Variants in CNIH4 observed in about 807,000 individuals in gnomAD.
CNIH4 encodes the protein cornichon family member 4, also known as protein cornichon homolog 4.
Under a neutral mutation model 21.5 loss-of-function variants are expected in CNIH4, and 9 were observed. That is an observed-to-expected ratio of 0.42 (90% CI 0.25 to 0.73). The LOEUF (loss-of-function observed/expected upper bound fraction) is 0.73. CNIH4 is among the 30% of genes least tolerant of loss of function. The probability of loss-of-function intolerance (pLI) is 0.27; values close to 1 mark genes in which losing one functional copy is unlikely to be tolerated. For missense variants in CNIH4, 159 were observed against 170.0 expected (o/e 0.94, Z 0.36); for synonymous variants, 67 against 59.1 (o/e 1.13, Z -0.61).
chr1:224,357,192 G>A, intron 1 of CNIH4, 199 bp downstream of exon 1: 1 of 593,130 alleles, frequency 1.7e-6, no homozygotes, highest in Non-Finnish European at 2.9e-6. Context: ...GACGGGCCCT[G>A]CTGCCCTGCA....
intron 1 of CNIH4, among the ~76,000 whole-genome samples, chr1:224,359,997 G>A (rs1672229658): frequency 6.6e-6 from 1 of 152,172 alleles, no homozygotes; most frequent in African/African-American, 2.4e-5. Flanking sequence ...GCTGGGTGTG[G>A]TGGTGGCGCG....
rs551634247 is a variant in CNIH4, at chr1:224,369,577, A to AAAT, written c.252-1691_252-1689dup. Among the ~76,000 whole-genome samples the AAAT allele has an allele frequency of 1.4e-4, 21 of 152,162 alleles. No individual in the cohort carries two copies. The East Asian group carries it at 2.7e-3, about 20-fold the overall frequency. On this transcript the variant is annotated intron_variant, in intron 3 of 4. Transcript: ENST00000465271. The stretch of plus-strand genomic sequence containing the variant: ...GGCAACAGAGCGAGATTACGTCTAA[A>AAAT]AATAATAATAATAATAAACTAAAAA...
In CNIH4 at chr1:224,376,222, CT is replaced by C. The variant is rs1672776853; in HGVS notation, c.*401del. 1.0e-6 allele frequency: 1 copy of C among 994,860 alleles called. No individual in the cohort carries two copies. Among genetic ancestry groups the C allele is most frequent in the Non-Finnish European group, 1.2e-6 (1 of 836,610 alleles). 61.6% of individuals were successfully genotyped at this position (994,860 alleles called of 1,614,324 possible). On this transcript the variant is annotated 3_prime_UTR_variant, in exon 5 of 5. Transcript: ENST00000465271. ...TGAAAAGTTAGAGTACAAAACAACA[CT>C]GTTGATCTGGACAAAAGAAGAAAAA...
chr1:224,368,833 A>G (rs987596598), intron 3 of CNIH4, among the ~76,000 whole-genome samples: 7 of 151,404 alleles, frequency 4.6e-5, no homozygotes, highest in African/African-American at 1.7e-4. Flanking sequence ...CAGCTGCACT[A>G]TTTGACATTC....
chr1:224,371,937 T>G (rs980497359), intron 4 of CNIH4, among the ~76,000 whole-genome samples: 1 of 152,152 alleles, frequency 6.6e-6, no homozygotes, highest in Non-Finnish European at 1.5e-5. Context: ...AGTGAAACTC[T>G]GTTTCATATT....
rs1672774031 is a variant in CNIH4 at position 224,376,093 on chromosome 1, A to G, written c.*271A>G. The G allele has an allele frequency of 8.5e-7, 1 of 1,172,838 alleles. No individual in the cohort carries two copies. The highest frequency in any genetic ancestry group is 1.1e-6 in the Non-Finnish European group (1 of 947,762). 72.7% of individuals were successfully genotyped at this position (1,172,838 alleles called of 1,614,324 possible). A position where few individuals can be genotyped will look rare whatever the true frequency, so the allele number is the denominator to read the frequency against. On this transcript the variant is annotated 3_prime_UTR_variant, in exon 5 of 5. Coordinates refer to ENST00000465271, the MANE Select transcript of CNIH4 (RefSeq NM_014184.4). ...ATGTTGAAGGTGGTTATTTGTATGT[A>G]GGAACAGGACTGCCATCCCAGCTTT... is the stretch of plus-strand genomic sequence containing the variant.
At chr1:224,366,069 T>TCTTA (rs775646758) in intron 3 of CNIH4, 78 bp downstream of exon 3, 10 of 893,332 alleles carry the variant, frequency 1.1e-5, no homozygotes, top group East Asian at 9.7e-5. Context: ...CAAGACAGGA[T>TCTTA]CTTACTCTGT....
intron 1 of CNIH4, among the ~76,000 whole-genome samples, chr1:224,358,067 C>A (rs1672169413): frequency 6.6e-6 from 1 of 152,084 alleles, no homozygotes; most frequent in African/African-American, 2.4e-5. Flanking sequence ...AGTATATGTT[C>A]AGTGCAGCTT....
chr1:224,370,092 G>A (rs1672580671), intron 3 of CNIH4, among the ~76,000 whole-genome samples: 1 of 151,610 alleles, frequency 6.6e-6, no homozygotes, highest in Admixed American at 6.6e-5. Context: ...AATACAAAAA[G>A]GAAAAAAAAG....
chr1:224,375,786 T>C lies in CNIH4; in HGVS notation c.393-9T>C. On this transcript the variant is annotated splice_polypyrimidine_tract_variant and intron_variant, in intron 4 of 4. Coordinates refer to ENST00000465271, the MANE Select transcript of CNIH4 (RefSeq NM_014184.4). ...AAACATTAGTGACATTCATTTCTTC[T>C]TTCCACAGTATGATCTTAGCTTTGA... The C allele has an allele frequency of 1.2e-6, 2 of 1,614,126 alleles. No individual in the cohort carries two copies. Among genetic ancestry groups the C allele is most frequent in the Non-Finnish European group, 1.7e-6 (2 of 1,179,988 alleles).
In CNIH4 at chr1:224,358,955, A is replaced by G. The variant is rs114765366; in HGVS notation, c.70-1540A>G. ...GGTCACGGTAGACTTAATATAGGAT[A>G]TAAGAGTTTTCTTGGACTTTGAACT... On this transcript the variant is annotated intron_variant, in intron 1 of 4. Transcript: ENST00000465271. Among the ~76,000 whole-genome samples the G allele has an allele frequency of 4.9e-3, 742 of 152,354 alleles. 14 individuals carry two copies. The highest frequency in any genetic ancestry group is 0.017 in the African/African-American group (703 of 41,576).
At chr1:224,367,284 A>C (rs1439288810) in intron 3 of CNIH4, among the ~76,000 whole-genome samples, 1 of 152,170 alleles carries the variant, frequency 6.6e-6, no homozygotes, top group Non-Finnish European at 1.5e-5. Flanking sequence ...AATAAAAAGA[A>C]CAGAAAAAAA....
rs915746521 is a variant in CNIH4, at chr1:224,376,306, G to A, written c.*484G>A. ...TTTAATATGGTTTAAAGATTTATGA[G>A]ACTGTCAGCTAAAAGTCTTTTCACA... On this transcript the variant is annotated 3_prime_UTR_variant, in exon 5 of 5. Transcript: ENST00000465271. 3.0e-6 allele frequency: 3 copies of A among 985,474 alleles called. No homozygotes were observed. Among genetic ancestry groups the A allele is most frequent in the Non-Finnish European group, 3.6e-6 (3 of 830,028 alleles). The allele number at this position is 985,474 out of a possible 1,614,324, so 61.0% of individuals were successfully genotyped here.
At chr1:224,372,651 C>A (rs563319755) in intron 4 of CNIH4, among the ~76,000 whole-genome samples, 1 of 151,880 alleles carries the variant, frequency 6.6e-6, no homozygotes. Flanking sequence ...GGCACAGTCT[C>A]GGCTCACTGC....
intron 2 of CNIH4, among the ~76,000 whole-genome samples, chr1:224,360,887 A>G (rs573210137): frequency 1.3e-5 from 2 of 152,212 alleles, no homozygotes; most frequent in Admixed American, 6.5e-5. Flanking sequence ...ACTCACGGAA[A>G]AAAGCTCAAG....
chr1:224,362,602 G>T (rs112554802), intron 2 of CNIH4, among the ~76,000 whole-genome samples: 1 of 148,408 alleles, frequency 6.7e-6, no homozygotes, highest in African/African-American at 2.5e-5. Flanking sequence ...CCATTCTCCC[G>T]CTTCAGCCTC....
chr1:224,378,817 C>T lies in CNIH4; in HGVS notation c.*2995C>T, dbSNP rs1672843714. ...AACTGGGAACATCTGAATGCTGAGG[C>T]CTAGAGATCGTTCAGGGTGTTGTAA... is the stretch of plus-strand genomic sequence containing the variant. On this transcript the variant is annotated 3_prime_UTR_variant, in exon 5 of 5. Transcript: ENST00000465271. The T allele has an allele frequency of 8.1e-6, 1 of 123,210 alleles. No individual in the cohort carries two copies. The highest frequency in any genetic ancestry group is 1.5e-5 in the Non-Finnish European group (1 of 64,978). The allele number at this position is 123,210 out of a possible 1,614,324, so 7.6% of individuals were successfully genotyped here. A position where few individuals can be genotyped will look rare whatever the true frequency, so the allele number is the denominator to read the frequency against.
At chr1:224,365,178 C>T (rs1044792171) in intron 2 of CNIH4, among the ~76,000 whole-genome samples, 4 of 152,102 alleles carry the variant, frequency 2.6e-5, no homozygotes, top group African/African-American at 9.7e-5. Flanking sequence ...TATTAACTTC[C>T]ACTAAAAGAA....
chr1:224,368,446 G>A (rs766944037), intron 3 of CNIH4, among the ~76,000 whole-genome samples: 49 of 152,262 alleles, frequency 3.2e-4, no homozygotes, highest in Non-Finnish European at 2.5e-4. Flanking sequence ...CTGTCTGCTG[G>A]TCACAAGTTT....
Sources: allele counts gnomAD v4.1 joint callset (sites outside exome capture counted in the v4.1 genomes callset), GRCh38; gene constraint gnomAD v4.1.1; transcripts MANE v1.5; gene names NCBI Gene and HGNC (gene_info 2026-07-23, HGNC 2026-07-21).